PDZRN3: variants seen among roughly 807,000 people sequenced by gnomAD.
PDZRN3 encodes PDZ domain containing ring finger 3.
PDZRN3 carries 38 observed loss-of-function variants against 85.7 expected under a neutral mutation model. The ratio of observed to expected loss-of-function variants is 0.44; its 90% CI spans 0.34 to 0.58. The LOEUF (loss-of-function observed/expected upper bound fraction) is 0.58, where lower values mean the gene tolerates loss of function less well. Ranked by LOEUF, PDZRN3 falls within the 20% of genes least tolerant of loss-of-function variation. PDZRN3 has a pLI of 0.01. For synonymous variants in PDZRN3, 759 were observed against 638.0 expected, an observed-to-expected ratio of 1.19 and a Z score of -2.86; for missense variants, 1,629 against 1,506.4, an observed-to-expected ratio of 1.08 and a Z score of -1.35.
At chr3:73,583,072 T>C (rs1702224779) in intron 3 of PDZRN3, among the ~76,000 whole-genome samples, 1 of 152,206 alleles carries the variant, frequency 6.6e-6, no homozygotes, top group South Asian at 2.1e-4. Flanking sequence ...TGTGATAATG[T>C]CACTGAGGAC....
At chr3:73,499,731 G>C (rs1003469635) in intron 3 of PDZRN3, among the ~76,000 whole-genome samples, 123 of 152,266 alleles carry the variant, frequency 8.1e-4, no homozygotes, top group African/African-American at 2.8e-3. Flanking sequence ...AAAGCAGTAA[G>C]GGGATCTGGG....
intron 3 of PDZRN3, among the ~76,000 whole-genome samples, chr3:73,509,921 T>C (rs778175977): frequency 1.1e-4 from 16 of 152,330 alleles, no homozygotes; most frequent in Non-Finnish European, 1.8e-4. Flanking sequence ...ACCCTTTCCT[T>C]GAAAGCAATC....
intron 5 of PDZRN3, 21 bp downstream of exon 5, chr3:73,400,900 GA>G: frequency 6.5e-7 from 1 of 1,529,812 alleles, no homozygotes; most frequent in Non-Finnish European, 9.1e-7. Context: ...CTCCTAAAAT[GA>G]GACAAGGATG....
intron 3 of PDZRN3, among the ~76,000 whole-genome samples, chr3:73,600,337 A>ACACACTCTCTCTCTCTCTCTCTCTCT (rs34405662): frequency 2.0e-5 from 2 of 100,072 alleles, no homozygotes; most frequent in African/African-American, 8.5e-5. Context: ...ACACACACAC[A>ACACACTCTCTCTCTCTCTCTCTCTCT]CTCTCTCTCT....
intron 3 of PDZRN3, among the ~76,000 whole-genome samples, chr3:73,423,978 G>A (rs1332069799): frequency 6.6e-6 from 1 of 152,074 alleles, no homozygotes; most frequent in Non-Finnish European, 1.5e-5. Flanking sequence ...AGGAAGAGAT[G>A]GGCTTGTCTA....
At chr3:73,578,162 C>CTTT (rs61521063) in intron 3 of PDZRN3, among the ~76,000 whole-genome samples, 25 of 115,332 alleles carry the variant, frequency 2.2e-4, no homozygotes, top group African/African-American at 4.5e-4. Context: ...TTTGACCATT[C>CTTT]TTTTTTTTTT....
At chr3:73,468,375 G>A (rs1386529710) in intron 3 of PDZRN3, among the ~76,000 whole-genome samples, 2 of 151,914 alleles carry the variant, frequency 1.3e-5, no homozygotes, top group Non-Finnish European at 2.9e-5. Flanking sequence ...TGGCTTCCAG[G>A]GCTTACAAAT....
intron 2 of PDZRN3, among the ~76,000 whole-genome samples, chr3:73,603,227 C>T (rs1421129280): frequency 2.6e-5 from 4 of 152,188 alleles, no homozygotes; most frequent in Admixed American, 2.0e-4. Flanking sequence ...TGTTCCGATG[C>T]ACTACCATCA....
Position 73,383,983 on chromosome 3 carries a change from G to C in PDZRN3, c.2583C>G (p.Pro861=). The C allele has an allele frequency of 1.3e-6, 2 of 1,592,852 alleles. No individual in the cohort carries two copies. The highest frequency in any genetic ancestry group is 8.5e-7 in the Non-Finnish European group (1 of 1,171,142). The change falls in exon 10 of 10, where the codon CCC becomes CCG. Residue 861 remains proline (P), a synonymous_variant. Transcript: ENST00000263666. ...GCTTGTATGGGGAGTGGTGATAGGA[G>C]GGCAGGTAGGCGCTGCCCAGCTTCT... ...PSQKLGSAYL[P]SYHHSPYKHA...
chr3:73,396,356 G>A (rs113404820), intron 5 of PDZRN3, among the ~76,000 whole-genome samples: 4,535 of 152,272 alleles, frequency 0.03, 76 homozygotes, highest in Non-Finnish European at 0.035. Flanking sequence ...CACGCAGGCC[G>A]AGGTAGGTCC....
intron 3 of PDZRN3, among the ~76,000 whole-genome samples, chr3:73,499,910 G>C (rs721852): frequency 6.6e-6 from 1 of 152,146 alleles, no homozygotes; most frequent in Admixed American, 6.5e-5. Context: ...ACAGAGCCTA[G>C]ACCACAGCTG....
At position 73,617,553 on chromosome 3, in the gene PDZRN3, T is replaced by G. The variant is rs555490242; in HGVS notation, c.723+6550A>C. On this transcript the variant is annotated intron_variant, in intron 1 of 9. Coordinates refer to ENST00000263666, the MANE Select transcript of PDZRN3 (RefSeq NM_015009.3). ...TGGTGCCTACCACAGGGCCTGGCAC[T>G]AGGGGTATGAGAATGTGAGGAGCTA... Among the ~76,000 whole-genome samples the G allele has an allele frequency of 2.7e-4, 41 of 152,326 alleles. No individual in the cohort carries two copies. In the South Asian group the frequency reaches 5.0e-3, roughly 18 times the overall value.
intron 3 of PDZRN3, among the ~76,000 whole-genome samples, chr3:73,497,280 A>G (rs537191654): frequency 6.6e-6 from 1 of 152,324 alleles, no homozygotes; most frequent in Non-Finnish European, 1.5e-5. Context: ...AGACTTAGGT[A>G]AATGTGGAAA....
chr3:73,563,693 A>AT, intron 3 of PDZRN3, among the ~76,000 whole-genome samples: 1 of 152,308 alleles, frequency 6.6e-6, no homozygotes, highest in Non-Finnish European at 1.5e-5. Context: ...CTATATGGCC[A>AT]TAAATGCCAA....
chr3:73,549,999 C>G (rs184687315), intron 3 of PDZRN3, among the ~76,000 whole-genome samples: 1 of 152,176 alleles, frequency 6.6e-6, no homozygotes, highest in Admixed American at 6.5e-5. Flanking sequence ...CAGATGCTGC[C>G]TTAGCAAACA....
intron 3 of PDZRN3, among the ~76,000 whole-genome samples, chr3:73,563,002 TATA>T (rs1559739640): frequency 1.7e-4 from 6 of 35,984 alleles, no homozygotes; most frequent in African/African-American, 7.6e-4. Context: ...TATATATATA[TATA>T]TATATATATT....
chr3:73,517,805 T>C (rs1704281433), intron 3 of PDZRN3, among the ~76,000 whole-genome samples: 2 of 152,254 alleles, frequency 1.3e-5, no homozygotes, highest in Admixed American at 6.5e-5. Flanking sequence ...TTATAAATGG[T>C]TAAGACAAAA....
At chr3:73,469,413 G>T (rs956777698) in intron 3 of PDZRN3, among the ~76,000 whole-genome samples, 7 of 152,160 alleles carry the variant, frequency 4.6e-5, no homozygotes, top group African/African-American at 1.7e-4. Flanking sequence ...AACAACTCTA[G>T]CCACCAGTGG....
intron 7 of PDZRN3, among the ~76,000 whole-genome samples, 165 bp downstream of exon 7, chr3:73,389,639 TATGACTCAGAGA>T (rs1319583422): frequency 6.6e-6 from 1 of 152,170 alleles, no homozygotes; most frequent in Non-Finnish European, 1.5e-5. Context: ...TCTTGCGTCT[TATGACTCAGAGA>T]TAGCCTCACA....
Sources: allele counts gnomAD v4.1 joint callset (sites outside exome capture counted in the v4.1 genomes callset), GRCh38; gene constraint gnomAD v4.1.1; transcripts MANE v1.5; gene names NCBI Gene and HGNC (gene_info 2026-07-23, HGNC 2026-07-21).